KDM5A: variants seen among roughly 807,000 people sequenced by gnomAD.
KDM5A encodes lysine-specific demethylase 5A.
In KDM5A, 42 loss-of-function variants were observed where a neutral mutation model predicts 193.5. That is an observed-to-expected ratio of 0.22 (90% CI 0.17 to 0.28). The LOEUF is 0.28. Among genes scored for constraint, KDM5A ranks in the 10% least tolerant of loss-of-function variants. KDM5A has a pLI of 1.00. For synonymous variants in KDM5A, 796 were observed against 718.1 expected, an observed-to-expected ratio of 1.11 and a Z score of -1.73; for missense variants, 1,692 against 2,055.1, an observed-to-expected ratio of 0.82 and a Z score of 3.42.
intron 11 of KDM5A, among the ~76,000 whole-genome samples, chr12:333,855 C>G (rs1157258089): frequency 6.6e-6 from 1 of 152,266 alleles, no homozygotes; most frequent in South Asian, 2.1e-4. Context: ...CAGATACAAA[C>G]TTATCACCAC....
At chr12:364,380 G>C (rs1944326407) in intron 4 of KDM5A, among the ~76,000 whole-genome samples, 1 of 152,068 alleles carries the variant, frequency 6.6e-6, no homozygotes. Flanking sequence ...AGGAGGCTGA[G>C]GTAGGAGAAT....
In KDM5A at chr12:334,261, A is replaced by G. The variant is rs757372750; in HGVS notation, c.1470T>C (p.Tyr490=). Residue 490 remains tyrosine (Y), a synonymous_variant, in exon 11 of 28, where the codon TAT becomes TAC. Coordinates refer to ENST00000399788, the MANE Select transcript of KDM5A (RefSeq NM_001042603.3). ...CATACCAGTGCAAGTAGTTGATGGA[A>G]TAACTCCAGTGATCCTCAATGTGCC... ...FCWHIEDHWS[Y]SINYLHWGEP... 8 of 1,614,160 alleles carry G rather than the reference A, an allele frequency of 5.0e-6. No individual in the cohort carries two copies. Among genetic ancestry groups the G allele is most frequent in the Non-Finnish European group, 6.8e-6 (8 of 1,180,004 alleles).
At chr12:355,068 T>C in intron 7 of KDM5A, 90 bp downstream of exon 7, 2 of 830,774 alleles carry the variant, frequency 2.4e-6, no homozygotes, top group Non-Finnish European at 2.1e-6. Context: ...ACGAGCTAAC[T>C]AAACACATAC....
chr12:360,512 G>A (rs543619909), intron 5 of KDM5A, among the ~76,000 whole-genome samples: 20 of 152,214 alleles, frequency 1.3e-4, no homozygotes, highest in Admixed American at 2.6e-4. Flanking sequence ...TCAAGGACAG[G>A]AGTCACCAAC....
At chr12:334,669 C>T (rs1472813452) in intron 10 of KDM5A, among the ~76,000 whole-genome samples, 2 of 152,002 alleles carry the variant, frequency 1.3e-5, no homozygotes, top group Admixed American at 6.6e-5. Context: ...AGCACATGAG[C>T]AATTCTTGTT....
At chr12:321,879 T>C (rs1943721698) in intron 17 of KDM5A, among the ~76,000 whole-genome samples, 2 of 152,058 alleles carry the variant, frequency 1.3e-5, no homozygotes, top group South Asian at 2.1e-4. Flanking sequence ...ACAAGAAATA[T>C]GGCAATGAAA....
At chr12:314,752 TAA>T (rs1943630026) in intron 19 of KDM5A, among the ~76,000 whole-genome samples, 1 of 151,628 alleles carries the variant, frequency 6.6e-6, no homozygotes, top group African/African-American at 2.4e-5. Flanking sequence ...GGGCTGAAAA[TAA>T]GAGTGCTCCA....
At chr12:312,664 C>A (rs1195121818) in intron 20 of KDM5A, among the ~76,000 whole-genome samples, 1 of 152,118 alleles carries the variant, frequency 6.6e-6, no homozygotes, top group Non-Finnish European at 1.5e-5. Flanking sequence ...TATGTCCCGT[C>A]GTAAGGTGAA....
chr12:328,900 C>T lies in KDM5A; in HGVS notation c.1903G>A (p.Val635Ile). ...ECLDVGLAAM[V>I]CKELTLMTEE... Reference sequence around the variant, plus strand: ...GTCATGAGAGTCAATTCTTTGCAGACCATGGCAGCCAGCCCCACATCTAAG... The same window carrying T: ...GTCATGAGAGTCAATTCTTTGCAGATCATGGCAGCCAGCCCCACATCTAAG... Residue 635 changes from valine (V) to isoleucine (I), a missense_variant, in exon 14 of 28, where the codon GTC (valine) becomes ATC (isoleucine). By Grantham distance (29) the Val-to-Ile change is conservative. Coordinates refer to ENST00000399788, the MANE Select transcript of KDM5A (RefSeq NM_001042603.3). The T allele has an allele frequency of 6.2e-7, 1 of 1,614,202 alleles. No individual in the cohort carries two copies. The highest frequency in any genetic ancestry group is 8.5e-7 in the Non-Finnish European group (1 of 1,180,040).
intron 17 of KDM5A, 96 bp from the exon 18 acceptor site, chr12:321,205 T>C: frequency 1.2e-6 from 1 of 839,890 alleles, no homozygotes; most frequent in South Asian, 1.4e-5. Flanking sequence ...ACCTAAGCAA[T>C]CCTAGAATCC....
intron 10 of KDM5A, among the ~76,000 whole-genome samples, 194 bp downstream of exon 10, chr12:350,427 C>CAA (rs10616968): frequency 0.041 from 4,162 of 101,048 alleles, 220 homozygotes; most frequent in African/African-American, 0.13. Flanking sequence ...GATTCCTTCT[C>CAA]AAAAAAAAAA....
rs1565546902 is a variant in KDM5A, at chr12:363,026, A to C, written c.609T>G (p.Thr203=). Reference sequence around the variant, plus strand: ...TCATCCTTGTGCCTGGCTCTGGGGAAGTTTGGGTATCAGTGCTGAGAACCT... The same window carrying C: ...TCATCCTTGTGCCTGGCTCTGGGGACGTTTGGGTATCAGTGCTGAGAACCT... ...EPEVLSTDTQ[T]SPEPGTRMNI... Residue 203 remains threonine, a synonymous_variant, in exon 5 of 28, where the codon ACT becomes ACG. Transcript: ENST00000399788. 1 of 1,614,058 alleles carries C rather than the reference A, an allele frequency of 6.2e-7. No individual in the cohort carries two copies. The highest frequency in any genetic ancestry group is 8.5e-7 in the Non-Finnish European group (1 of 1,180,002).
At chr12:361,494 T>G (rs944789903) in intron 5 of KDM5A, among the ~76,000 whole-genome samples, 8 of 152,014 alleles carry the variant, frequency 5.3e-5, no homozygotes, top group African/African-American at 1.9e-4. Context: ...ATGCCCGGCC[T>G]GTAGTCCCCA....
intron 25 of KDM5A, 154 bp from the exon 26 acceptor site, chr12:295,947 T>G (rs1479926616): frequency 1.4e-6 from 1 of 705,564 alleles, no homozygotes; most frequent in African/African-American, 1.8e-5. Context: ...TAAACAGAAT[T>G]AGAAACAAAT....
Position 386,118 on chromosome 12 carries a change from G to A in KDM5A, c.166-144C>T. On this transcript the variant is annotated intron_variant, in intron 1 of 27. Coordinates refer to ENST00000399788, the MANE Select transcript of KDM5A (RefSeq NM_001042603.3). ...CTTCTTTATTATAGAGACAGAATGA[G>A]CAATTCTTTTCGATAAAATAATTTT... 6.2e-6 allele frequency: 4 copies of A among 644,796 alleles called. No homozygotes were observed. The South Asian group carries it at 6.7e-5, about 11-fold the overall frequency. 39.9% of individuals were successfully genotyped at this position (644,796 alleles called of 1,614,324 possible). A position where few individuals can be genotyped will look rare whatever the true frequency, so the allele number is the denominator to read the frequency against.
chr12:333,743 C>T, intron 11 of KDM5A, 94 bp from the exon 12 acceptor site: 11 of 1,183,900 alleles, frequency 9.3e-6, no homozygotes, highest in Non-Finnish European at 1.4e-5. Context: ...ATTAACTTGT[C>T]TTATTCCATG....
Position 281,452 on chromosome 12 carries a change from A to G in KDM5A, c.*4004T>C, listed in dbSNP as rs1943153204. 1.3e-5 allele frequency: 3 copies of G among 233,070 alleles called. No homozygotes were observed. The highest frequency in any genetic ancestry group is 5.6e-5 in the Admixed American group (1 of 17,774). 14.4% of individuals were successfully genotyped at this position (233,070 alleles called of 1,614,324 possible). On this transcript the variant is annotated 3_prime_UTR_variant, in exon 28 of 28. Coordinates refer to ENST00000399788, the MANE Select transcript of KDM5A (RefSeq NM_001042603.3). ...GCCAAGACAAGACCAAAATTCAAAA[A>G]ATACATTAACAGCCATTCTTCCTCA...
rs1379871762 is a variant in KDM5A at position 284,913 on chromosome 12, A to G, written c.*543T>C. 3.7e-5 allele frequency: 9 copies of G among 244,288 alleles called. No individual in the cohort carries two copies. Among genetic ancestry groups the G allele is most frequent in the Non-Finnish European group, 6.5e-5 (8 of 123,372 alleles). The allele number at this position is 244,288 out of a possible 1,614,324, so 15.1% of individuals were successfully genotyped here. A position where few individuals can be genotyped will look rare whatever the true frequency, so the allele number is the denominator to read the frequency against. On this transcript the variant is annotated 3_prime_UTR_variant, in exon 28 of 28. Coordinates refer to ENST00000399788, the MANE Select transcript of KDM5A (RefSeq NM_001042603.3). ...GCTGAGGTCAATAGACTGTGATACC[A>G]TTCCTTGACGTCTAACAGAAATAAC...
chr12:352,182 G>A (rs199618857), intron 9 of KDM5A, 23 bp downstream of exon 9: 238 of 1,533,216 alleles, frequency 1.6e-4, no homozygotes, highest in Non-Finnish European at 1.9e-4. Context: ...TCCCCGGACC[G>A]ACCTAAAAGA....
Sources: gnomAD v4.1 joint callset for allele counts (sites outside exome capture counted in the v4.1 genomes callset) on GRCh38, gnomAD v4.1.1 for gene constraint, MANE v1.5 for transcripts, NCBI Gene and HGNC (gene_info 2026-07-23, HGNC 2026-07-21) for gene names.